Variants in ZP1 observed in about 807,000 individuals in gnomAD.
ZP1 encodes zona pellucida glycoprotein 1.
A neutral mutation model predicts 67.4 loss-of-function variants in ZP1; 58 were observed. That is an observed-to-expected ratio of 0.86 (90% CI 0.70 to 1.07). The LOEUF is 1.07. ZP1 is among the 50% of genes least tolerant of loss of function. ZP1 has a pLI of 0.00. For synonymous variants in ZP1, 333 were observed against 332.7 expected (o/e 1.00, Z -0.01); for missense variants, 759 against 807.3 (o/e 0.94, Z 0.72).
At position 60,873,526 on chromosome 11, in the gene ZP1, C is replaced by A; in HGVS notation, c.1392C>A (p.Asn464Lys). The A allele has an allele frequency of 1.2e-6, 2 of 1,612,914 alleles. No individual in the cohort carries two copies. Among genetic ancestry groups the A allele is most frequent in the African/African-American group, 1.3e-5 (1 of 75,010 alleles). ...LHQCWGAPSA[N>K]PFQQPQWPIL... ...AGTGCTGGGGCGCTCCCAGTGCCAACCCCTTCCAGCAGCCCCAGTGGCCCA... is the reference window on the plus strand; with the variant it reads ...AGTGCTGGGGCGCTCCCAGTGCCAAACCCTTCCAGCAGCCCCAGTGGCCCA... Residue 464 changes from asparagine (N) to lysine (K), a missense_variant, in exon 8 of 12, where the codon AAC (asparagine) becomes AAA (lysine). Transcript: ENST00000278853.
At position 60,870,481 on chromosome 11, in the gene ZP1, A is replaced by C; in HGVS notation, c.826+6A>C. ...CTGTTACTATGGCAACACAGGTACA[A>C]CCTCCCACCCCAGCAAGATCCTGGT... On this transcript the variant is annotated splice_donor_region_variant and intron_variant, in intron 4 of 11. Coordinates refer to ENST00000278853, the MANE Select transcript of ZP1 (RefSeq NM_207341.4). 1 of 1,597,704 alleles carries C rather than the reference A, an allele frequency of 6.3e-7. No individual in the cohort carries two copies. Among genetic ancestry groups the C allele is most frequent in the East Asian group, 2.3e-5 (1 of 44,200 alleles).
In ZP1 at chr11:60,873,542, C is replaced by T. The variant is rs1204980575; in HGVS notation, c.1408C>T (p.Gln470Ter). The change falls in exon 8 of 12, where the codon CAG becomes TAG. Residue 470 changes from glutamine to a stop codon, truncating the protein, a stop_gained. Transcript: ENST00000278853. LOFTEE classifies it high-confidence loss of function. ...CAGTGCCAACCCCTTCCAGCAGCCC[C>T]AGTGGCCCATCCTGTCAGACGGGTG... is the stretch of plus-strand genomic sequence containing the variant. Reference protein sequence around the residue: ...APSANPFQQPQWPILSDGCPF... With the variant: ...APSANPFQQP The T allele has an allele frequency of 6.2e-7, 1 of 1,612,764 alleles. No individual in the cohort carries two copies. Among genetic ancestry groups the T allele is most frequent in the Non-Finnish European group, 8.5e-7 (1 of 1,179,016 alleles).
At position 60,871,022 on chromosome 11, in the gene ZP1, C is replaced by T. The variant is rs373570512; in HGVS notation, c.892C>T (p.His298Tyr). ...GGTGTCCCAAGAAATGGCCTTGACACACAGGATCACACTGGCCAACATCCA... is the reference window on the plus strand; with the variant it reads ...GGTGTCCCAAGAAATGGCCTTGACATACAGGATCACACTGGCCAACATCCA... ...LVVSQEMALT[H>Y]RITLANIHLA... The change falls in exon 5 of 12, where the codon CAC becomes TAC. Residue 298 changes from histidine (H) to tyrosine (Y), a missense_variant. Physicochemically the swap from His to Tyr is moderately conservative, Grantham distance 83. Transcript: ENST00000278853. 1.6e-5 allele frequency: 26 copies of T among 1,614,128 alleles called. No individual in the cohort carries two copies. The highest frequency in any genetic ancestry group is 2.1e-5 in the Non-Finnish European group (25 of 1,180,042).
rs139776113 is a variant in ZP1 at position 60,875,222 on chromosome 11, G to T, written c.1748G>T (p.Gly583Val). 1.2e-4 allele frequency: 193 copies of T among 1,613,058 alleles called. No individual in the cohort carries two copies. Among genetic ancestry groups the T allele is most frequent in the Non-Finnish European group, 1.5e-4 (181 of 1,180,038 alleles). ...CCAGTGGGCTTTGAGGATTCTTATG[G>T]GCAGGAGCCCACACTTGGGCCCACA... is the stretch of plus-strand genomic sequence containing the variant. Reference protein sequence around the residue: ...PGPVGFEDSYGQEPTLGPTDS... With the variant: ...PGPVGFEDSYVQEPTLGPTDS... Residue 583 changes from glycine (G) to valine (V), a missense_variant, in exon 11 of 12, where the codon GGG becomes GTG. Physicochemically the swap from Gly to Val is moderately radical, Grantham distance 109 (BLOSUM62 -3). Coordinates refer to ENST00000278853, the MANE Select transcript of ZP1 (RefSeq NM_207341.4).
At position 60,873,372 on chromosome 11, in the gene ZP1, C is replaced by A. The variant is rs1476121972; in HGVS notation, c.1241-3C>A. 2 of 1,599,882 alleles carry A rather than the reference C, an allele frequency of 1.3e-6. No individual in the cohort carries two copies. On this transcript the variant is annotated splice_region_variant and splice_polypyrimidine_tract_variant and intron_variant, in intron 7 of 11. Coordinates refer to ENST00000278853, the MANE Select transcript of ZP1 (RefSeq NM_207341.4). Reference sequence around the variant, plus strand: ...CCTGGCTCATGAGTCACTCTCCCTGCAGACGAGACCTTCAGCTCGTACTAT... The same window carrying A: ...CCTGGCTCATGAGTCACTCTCCCTGAAGACGAGACCTTCAGCTCGTACTAT...
At position 60,867,556 on chromosome 11, in the gene ZP1, C is replaced by T. The variant is rs374942010; in HGVS notation, c.-6C>T. 3.6e-5 allele frequency: 58 copies of T among 1,604,584 alleles called. No homozygotes were observed. Among genetic ancestry groups the T allele is most frequent in the African/African-American group, 3.3e-4 (25 of 74,716 alleles). ...GAGGGAGTAGGGGGTGTGTCTGTGG[C>T]GTCTCATGGCAGGAGGCTCAGCCAC... On this transcript the variant is annotated 5_prime_UTR_variant, in exon 1 of 12. Transcript: ENST00000278853.
rs1855543715 is a variant in ZP1 at position 60,870,385 on chromosome 11, A to G, written c.736A>G (p.Ile246Val). 1 of 1,613,424 alleles carries G rather than the reference A, an allele frequency of 6.2e-7. No homozygotes were observed. ...GGTGGCCTCAGGGCACCTCCCCTGC[A>G]TCGTGAGAAGAACTTCAAAAGAAGC... ...CQVASGHLPC[I>V]VRRTSKEACQ... is the part of the protein sequence containing the mutation. The change falls in exon 4 of 12, where the codon ATC becomes GTC. Residue 246 changes from isoleucine to valine, a missense_variant. Transcript: ENST00000278853.
At chr11:60,873,809 A>C (rs1446723194) in intron 9 of ZP1, 34 bp downstream of exon 9, 1 of 1,610,686 alleles carries the variant, frequency 6.2e-7, no homozygotes, top group South Asian at 1.1e-5. Context: ...GCCTGGTCCC[A>C]TCTGTTAAGT....
chr11:60,868,432 G>A (rs1293567840), intron 1 of ZP1, among the ~76,000 whole-genome samples: 1 of 152,208 alleles, frequency 6.6e-6, no homozygotes, highest in Non-Finnish European at 1.5e-5. Context: ...TAGTAGGCGT[G>A]GCCTGGTGTG....
chr11:60,875,481 C>T (rs1246980586), intron 11 of ZP1, 33 bp from the exon 12 acceptor site: 8 of 1,611,472 alleles, frequency 5.0e-6, no homozygotes, highest in Non-Finnish European at 6.8e-6. Context: ...GGAGGGGCCT[C>T]ACCCAGCCCT....
chr11:60,871,052 G>C lies in ZP1; in HGVS notation c.922G>C (p.Ala308Pro). ...HRITLANIHL[A>P]YAPTSCSPTQ... is the part of the protein sequence containing the mutation. ...GATCACACTGGCCAACATCCACCTG[G>C]CCTATGCCCCCACCAGCTGCTCCCC... The change falls in exon 5 of 12, where the codon GCC (alanine) becomes CCC (proline). Residue 308 changes from alanine to proline, a missense_variant. Coordinates refer to ENST00000278853, the MANE Select transcript of ZP1 (RefSeq NM_207341.4). 6.2e-7 allele frequency: 1 copy of C among 1,614,204 alleles called. No individual in the cohort carries two copies. The highest frequency in any genetic ancestry group is 8.5e-7 in the Non-Finnish European group (1 of 1,180,046).
rs144472822 is a variant in ZP1 at position 60,873,682 on chromosome 11, C to T, written c.1479C>T (p.Asp493=). The change falls in exon 9 of 12, where the codon GAC becomes GAT. Residue 493 remains aspartate, a synonymous_variant. Transcript: ENST00000278853. ...DSYRTQMVAL[D]GATPFQSHYQ... is the part of the protein sequence containing the mutation. ...ACAGAACCCAAATGGTAGCCTTGGACGGGGCCACACCTTTCCAGTCGCACT... is the reference window on the plus strand; with the variant it reads ...ACAGAACCCAAATGGTAGCCTTGGATGGGGCCACACCTTTCCAGTCGCACT... 4.2e-5 allele frequency: 68 copies of T among 1,614,082 alleles called. No individual in the cohort carries two copies. The Middle Eastern group carries it at 6.6e-4, about 16-fold the overall frequency.
chr11:60,872,988 G>A (rs1855610353), intron 6 of ZP1, 174 bp from the exon 7 acceptor site: 2 of 690,332 alleles, frequency 2.9e-6, no homozygotes. Flanking sequence ...AATGGGCAGG[G>A]TGAGCTTCCT....
chr11:60,871,309 C>A lies in ZP1; in HGVS notation c.1107C>A (p.Thr369=), dbSNP rs1344779750. 8 of 1,613,714 alleles carry A rather than the reference C, an allele frequency of 5.0e-6. No individual in the cohort carries two copies. Among genetic ancestry groups the A allele is most frequent in the Non-Finnish European group, 6.8e-6 (8 of 1,180,030 alleles). Residue 369 remains threonine, a synonymous_variant, in exon 6 of 12, where the codon ACC becomes ACA. Transcript: ENST00000278853. ...GPQGSITRDS[T]FQLHVRCVFN... is the part of the protein sequence containing the mutation. ...AGGGTTCCATCACGCGGGACAGCAC[C>A]TTCCAGTAAGGGCAGCCCTCCTCCT...
intron 4 of ZP1, 139 bp downstream of exon 4, chr11:60,870,614 C>G: frequency 8.5e-7 from 1 of 1,175,384 alleles, no homozygotes; most frequent in East Asian, 2.5e-5. Context: ...CAGAGGAGAC[C>G]TTTAGATGGG....
Position 60,873,417 on chromosome 11 carries a change from T to A in ZP1, c.1283T>A (p.Ile428Asn). Residue 428 changes from isoleucine (I) to asparagine (N), a missense_variant, in exon 8 of 12, where the codon ATC (isoleucine) becomes AAC (asparagine). Physicochemically the swap from Ile to Asn is moderately radical, Grantham distance 149. Coordinates refer to ENST00000278853, the MANE Select transcript of ZP1 (RefSeq NM_207341.4). ...TACTATGGGGAGGATGACTATCCCATCGTGAGGCTGCTCCGAGAACCAGTC... is the reference window on the plus strand; with the variant it reads ...TACTATGGGGAGGATGACTATCCCAACGTGAGGCTGCTCCGAGAACCAGTC... ...SSYYGEDDYP[I>N]VRLLREPVHV... 1 of 1,612,436 alleles carries A rather than the reference T, an allele frequency of 6.2e-7. No homozygotes were observed. The highest frequency in any genetic ancestry group is 8.5e-7 in the Non-Finnish European group (1 of 1,178,720).
At position 60,873,248 on chromosome 11, in the gene ZP1, C is replaced by T; in HGVS notation, c.1199C>T (p.Thr400Ile). 1 of 1,599,406 alleles carries T rather than the reference C, an allele frequency of 6.3e-7. No individual in the cohort carries two copies. Among genetic ancestry groups the T allele is most frequent in the Non-Finnish European group, 8.5e-7 (1 of 1,171,598 alleles). Residue 400 changes from threonine (T) to isoleucine (I), a missense_variant, in exon 7 of 12, where the codon ACC becomes ATC. By Grantham distance (89) the Thr-to-Ile change is moderately conservative. Coordinates refer to ENST00000278853, the MANE Select transcript of ZP1 (RefSeq NM_207341.4). ...CCACCCCCATCGCCTGCTCCTATGA[C>T]CCAGCCCGGCCCCCTGCGGCTTGAG... ...IFPPPSPAPM[T>I]QPGPLRLELR... is the part of the protein sequence containing the mutation.
intron 9 of ZP1, 68 bp downstream of exon 9, chr11:60,873,843 C>T: frequency 6.3e-7 from 1 of 1,590,768 alleles, no homozygotes; most frequent in Non-Finnish European, 8.5e-7. Context: ...CGCCAAATCC[C>T]TCTGGCACCC....
chr11:60,875,086 G>A (rs897941754), intron 10 of ZP1, 43 bp from the exon 11 acceptor site: 1 of 1,613,452 alleles, frequency 6.2e-7, no homozygotes, highest in Non-Finnish European at 8.5e-7. Context: ...CTGGGCCACA[G>A]GGGCAGGAGA....
Sources: gnomAD v4.1 joint callset for allele counts (sites outside exome capture counted in the v4.1 genomes callset) on GRCh38, gnomAD v4.1.1 for gene constraint, MANE v1.5 for transcripts, NCBI Gene and HGNC (gene_info 2026-07-23, HGNC 2026-07-21) for gene names.